ZNF618: variants seen among roughly 807,000 people sequenced by gnomAD.
The protein encoded by ZNF618 is neural precursor cell expressed, developmentally down-regulated 10.
Under a neutral mutation model 103.0 loss-of-function variants are expected in ZNF618, and 34 were observed. The observed-to-expected ratio is 0.33, with a 90% CI of 0.25 to 0.44. The LOEUF (loss-of-function observed/expected upper bound fraction) is 0.44, where lower values mean the gene tolerates loss of function less well. Ranked by LOEUF, ZNF618 falls within the 20% of genes least tolerant of loss-of-function variation. The pLI is 1.00. For missense variants in ZNF618, 1,059 were observed against 1,295.4 expected (o/e 0.82, Z 2.80); for synonymous variants, 551 against 542.2 (o/e 1.02, Z -0.23).
intron 2 of ZNF618, among the ~76,000 whole-genome samples, chr9:113,984,219 A>G (rs1350879259): frequency 6.6e-6 from 1 of 152,170 alleles, no homozygotes; most frequent in East Asian, 1.9e-4. Flanking sequence ...ATTAGGACAC[A>G]ATGGGAGGAT....
intron 10 of ZNF618, among the ~76,000 whole-genome samples, chr9:114,023,905 A>G (rs1271259259): frequency 6.6e-6 from 1 of 152,068 alleles, no homozygotes; most frequent in African/African-American, 2.4e-5. Flanking sequence ...GTTTTTAGCA[A>G]TTTCATTATT....
chr9:114,021,857 C>T (rs1843094383), intron 10 of ZNF618, among the ~76,000 whole-genome samples: 1 of 152,036 alleles, frequency 6.6e-6, no homozygotes, highest in Admixed American at 6.5e-5. Flanking sequence ...AGGGAGAGGT[C>T]TGGCTTCTTT....
Position 114,049,849 on chromosome 9 carries a change from T to C in ZNF618, c.2547T>C (p.Ala849=), listed in dbSNP as rs751961483. 1.1e-5 allele frequency: 17 copies of C among 1,613,956 alleles called. 1 individual carries two copies. The South Asian group carries it at 1.3e-4, about 13-fold the overall frequency. ...SWAEEADFEP[A]AKKPRSAAVE... The stretch of plus-strand genomic sequence containing the variant: ...CCGAGGAGGCCGACTTCGAGCCCGC[T>C]GCCAAGAAGCCCCGCTCTGCTGCCG... Residue 849 remains alanine (A), a synonymous_variant, in exon 15 of 15, where the codon GCT becomes GCC. Coordinates refer to ENST00000374126, the MANE Select transcript of ZNF618 (RefSeq NM_001318042.2).
At chr9:113,965,665 C>T (rs936628218) in intron 1 of ZNF618, among the ~76,000 whole-genome samples, 2 of 152,122 alleles carry the variant, frequency 1.3e-5, no homozygotes, top group African/African-American at 4.8e-5. Flanking sequence ...TTCTCCGCCC[C>T]CATTTTTTAC....
chr9:113,916,555 T>C (rs1337242548), intron 1 of ZNF618, among the ~76,000 whole-genome samples: 1 of 152,064 alleles, frequency 6.6e-6, no homozygotes, highest in Non-Finnish European at 1.5e-5. Context: ...GCACTGAAGG[T>C]TTTGAAGCAG....
chr9:113,999,876 G>A (rs1407558634), intron 4 of ZNF618, among the ~76,000 whole-genome samples: 1 of 152,202 alleles, frequency 6.6e-6, no homozygotes, highest in African/African-American at 2.4e-5. Context: ...TTCTTCACTG[G>A]TTGAAGGGGA....
intron 1 of ZNF618, among the ~76,000 whole-genome samples, chr9:113,956,296 A>G (rs1468361187): frequency 6.6e-6 from 1 of 150,930 alleles, no homozygotes; most frequent in Non-Finnish European, 1.5e-5. Context: ...CAACTTTACC[A>G]TACTCACTGC....
At chr9:113,954,354 A>G (rs544288772) in intron 1 of ZNF618, among the ~76,000 whole-genome samples, 41 of 152,286 alleles carry the variant, frequency 2.7e-4, no homozygotes, top group Admixed American at 6.5e-4. Flanking sequence ...ACCCTTTCAC[A>G]TGATGAGTTT....
At chr9:114,038,225 G>T (rs148997531) in intron 13 of ZNF618, among the ~76,000 whole-genome samples, 115 of 152,286 alleles carry the variant, frequency 7.6e-4, no homozygotes, top group Admixed American at 1.5e-3. Flanking sequence ...CTCTGCCTGC[G>T]CCCTGCCAGC....
chr9:113,987,511 T>G (rs1458543193), intron 2 of ZNF618, among the ~76,000 whole-genome samples: 2 of 152,208 alleles, frequency 1.3e-5, no homozygotes, highest in Non-Finnish European at 2.9e-5. Flanking sequence ...TGAGTCTTTT[T>G]GAATTGGAGT....
intron 1 of ZNF618, among the ~76,000 whole-genome samples, chr9:113,881,735 G>C (rs1168276467): frequency 1.3e-5 from 2 of 152,186 alleles, no homozygotes; most frequent in Non-Finnish European, 2.9e-5. Context: ...TTTTGTTGGT[G>C]AGACTTCCTA....
chr9:113,988,277 G>C (rs751572724), intron 2 of ZNF618, 44 bp from the exon 3 acceptor site: 2 of 1,575,374 alleles, frequency 1.3e-6, no homozygotes, highest in Non-Finnish European at 1.7e-6. Flanking sequence ...CTCCTGTGTT[G>C]ATCTGGAGGA....
chr9:113,973,294 T>C (rs536305116), intron 2 of ZNF618, among the ~76,000 whole-genome samples: 3 of 152,254 alleles, frequency 2.0e-5, no homozygotes, highest in Non-Finnish European at 2.9e-5. Context: ...CCCCCAGCCC[T>C]CCAACGTGGG....
At chr9:113,891,758 T>G (rs570950872) in intron 1 of ZNF618, among the ~76,000 whole-genome samples, 33 of 152,340 alleles carry the variant, frequency 2.2e-4, no homozygotes, top group African/African-American at 7.5e-4. Context: ...TATTCAGCCT[T>G]CATTTTTAAG....
chr9:113,940,177 A>G (rs1834420378), intron 1 of ZNF618, among the ~76,000 whole-genome samples: 1 of 151,874 alleles, frequency 6.6e-6, no homozygotes, highest in African/African-American at 2.4e-5. Flanking sequence ...AAGTGGTTAA[A>G]CTTTTTGTGG....
In ZNF618 at chr9:114,054,983, A is replaced by G. The variant is rs182523371; in HGVS notation, c.*4816A>G. On this transcript the variant is annotated 3_prime_UTR_variant, in exon 15 of 15. Transcript: ENST00000374126. The stretch of plus-strand genomic sequence containing the variant: ...ACCACGGGTGTCGCTTTAAAGAGTC[A>G]ATTCTTGTACAGAGAAGGATTTGCT... The G allele has an allele frequency of 1.6e-5, 2 of 126,492 alleles. No individual in the cohort carries two copies. The highest frequency in any genetic ancestry group is 6.0e-5 in the African/African-American group (2 of 33,448). The allele number at this position is 126,492 out of a possible 1,614,324, so 7.8% of individuals were successfully genotyped here. A position where few individuals can be genotyped will look rare whatever the true frequency, so the allele number is the denominator to read the frequency against.
chr9:114,012,003 G>A (rs10982029), intron 9 of ZNF618, among the ~76,000 whole-genome samples: 41,910 of 150,754 alleles, frequency 0.28, 7,600 homozygotes, highest in East Asian at 0.6. Flanking sequence ...CCTGAATAAG[G>A]AAGAGTCACT....
chr9:113,882,309 A>G (rs1378620853), intron 1 of ZNF618, among the ~76,000 whole-genome samples: 2 of 152,094 alleles, frequency 1.3e-5, no homozygotes, highest in Non-Finnish European at 2.9e-5. Flanking sequence ...CGGGAAAGTC[A>G]CTCTGGTTCT....
chr9:114,045,434 TG>T, intron 13 of ZNF618, among the ~76,000 whole-genome samples: 1 of 152,098 alleles, frequency 6.6e-6, no homozygotes, highest in Non-Finnish European at 1.5e-5. Context: ...CTTTTACATG[TG>T]GGTATCTAGT....
Sources: allele counts gnomAD v4.1 joint callset (sites outside exome capture counted in the v4.1 genomes callset), GRCh38; gene constraint gnomAD v4.1.1; transcripts MANE v1.5; gene names NCBI Gene and HGNC (gene_info 2026-07-23, HGNC 2026-07-21).